Variants in RAD51C observed in about 807,000 individuals in gnomAD.
RAD51C encodes the protein RAD51 paralog C.
In RAD51C, 42 loss-of-function variants were observed where a neutral mutation model predicts 45.0. The ratio of observed to expected loss-of-function variants is 0.93; its 90% CI spans 0.73 to 1.21. The LOEUF (loss-of-function observed/expected upper bound fraction) is 1.21, where lower values mean the gene tolerates loss of function less well. Among genes scored for constraint, RAD51C ranks in the 50% most tolerant of loss-of-function variants. RAD51C has a pLI of 0.00. For missense variants in RAD51C, 474 were observed against 452.2 expected (o/e 1.05, Z -0.44); for synonymous variants, 172 against 159.8 (o/e 1.08, Z -0.58).
chr17:58,734,763 T>G lies in RAD51C; in HGVS notation c.*541T>G, dbSNP rs992560900. 4 of 157,836 alleles carry G rather than the reference T, an allele frequency of 2.5e-5. No individual in the cohort carries two copies. Among genetic ancestry groups the G allele is most frequent in the Admixed American group, 2.5e-4 (4 of 16,114 alleles). The allele number at this position is 157,836 out of a possible 1,614,324, so 9.8% of individuals were successfully genotyped here. On this transcript the variant is annotated 3_prime_UTR_variant, in exon 9 of 9. Coordinates refer to ENST00000337432, the MANE Select transcript of RAD51C (RefSeq NM_058216.3). The stretch of plus-strand genomic sequence containing the variant: ...GCACCTGCCATCGTGCCTGGCTAAT[T>G]TTTTGTATTTTTGTAGAGACAGAGT...
intron 3 of RAD51C, chr17:58,699,936 A>T (rs1026902118): frequency 6.6e-6 from 1 of 150,896 alleles, no homozygotes; most frequent in African/African-American, 2.4e-5. Context: ...TGCGACCTTC[A>T]CCTCCCAGGT....
At chr17:58,696,006 G>A (rs1026664862) in intron 2 of RAD51C, among the ~76,000 whole-genome samples, 12 of 151,786 alleles carry the variant, frequency 7.9e-5, no homozygotes, top group African/African-American at 2.7e-4. Flanking sequence ...GGTGGAGGTT[G>A]CAGTGAGCCG....
At chr17:58,733,134 G>A (rs1207821124) in intron 8 of RAD51C, among the ~76,000 whole-genome samples, 4 of 152,070 alleles carry the variant, frequency 2.6e-5, no homozygotes, top group Non-Finnish European at 5.9e-5. Flanking sequence ...TCCTGCCTCA[G>A]CCTCCCTAGT....
chr17:58,732,468 C>A lies in RAD51C; in HGVS notation c.966-16C>A, dbSNP rs780961985. The A allele has an allele frequency of 6.2e-6, 10 of 1,607,046 alleles. No individual in the cohort carries two copies. Among genetic ancestry groups the A allele is most frequent in the Non-Finnish European group, 7.7e-6 (9 of 1,174,038 alleles). On this transcript the variant is annotated splice_polypyrimidine_tract_variant and intron_variant, in intron 7 of 8. Coordinates refer to ENST00000337432, the MANE Select transcript of RAD51C (RefSeq NM_058216.3). ...GTTCATGTGTTTGTATGTATTTATT[C>A]TTTTTCTTTAAGCAGGTTGGCAACA... is the stretch of plus-strand genomic sequence containing the variant.
chr17:58,734,418 A>G lies in RAD51C; in HGVS notation c.*196A>G. ...AAGCAGTATTCTGCAATTATATTTT[A>G]CCCTGTTTTCATTTTCAGTAACATT... On this transcript the variant is annotated 3_prime_UTR_variant, in exon 9 of 9. Transcript: ENST00000337432. The G allele has an allele frequency of 4.4e-6, 4 of 913,550 alleles. 1 individual carries two copies. The highest frequency in any genetic ancestry group is 3.6e-5 in the South Asian group (2 of 56,308). 56.6% of individuals were successfully genotyped at this position (913,550 alleles called of 1,614,324 possible).
Position 58,734,692 on chromosome 17 carries a change from T to G in RAD51C, c.*470T>G, listed in dbSNP as rs2049582838. 1 of 162,294 alleles carries G rather than the reference T, an allele frequency of 6.2e-6. No homozygotes were observed. Among genetic ancestry groups the G allele is most frequent in the African/African-American group, 2.4e-5 (1 of 40,858 alleles). The allele number at this position is 162,294 out of a possible 1,614,324, so 10.1% of individuals were successfully genotyped here. ...TCACTGCAACCTCCGCCTCCCAGGT[T>G]CAAGCGATTCATCTGCCTCAGCCTC... is the stretch of plus-strand genomic sequence containing the variant. On this transcript the variant is annotated 3_prime_UTR_variant, in exon 9 of 9. Coordinates refer to ENST00000337432, the MANE Select transcript of RAD51C (RefSeq NM_058216.3).
intron 7 of RAD51C, among the ~76,000 whole-genome samples, chr17:58,726,012 A>C (rs1232630234): frequency 1.1e-4 from 16 of 151,594 alleles, no homozygotes; most frequent in Admixed American, 7.9e-4. Context: ...AAAAAAAAAA[A>C]AAAACAAGAA....
At chr17:58,706,929 A>G (rs112091410) in intron 4 of RAD51C, among the ~76,000 whole-genome samples, 2 of 152,280 alleles carry the variant, frequency 1.3e-5, no homozygotes, top group African/African-American at 4.8e-5. Context: ...TATTTTTAGC[A>G]ATATGGATAG....
At chr17:58,702,100 A>G (rs28363308) in intron 3 of RAD51C, among the ~76,000 whole-genome samples, 2,761 of 151,872 alleles carry the variant, frequency 0.018, 42 homozygotes, top group Non-Finnish European at 0.03. Context: ...GGCTCAAGCA[A>G]TCCTCTCACC....
chr17:58,701,231 G>A (rs1408783107), intron 3 of RAD51C, among the ~76,000 whole-genome samples: 1 of 24,322 alleles, frequency 4.1e-5, no homozygotes, highest in Non-Finnish European at 7.6e-5. Context: ...TAACTGGCCG[G>A]GTGTGGTGAC....
intron 4 of RAD51C, among the ~76,000 whole-genome samples, chr17:58,705,478 C>T (rs1243301483): frequency 4.6e-5 from 7 of 151,942 alleles, no homozygotes; most frequent in Admixed American, 4.6e-4. Context: ...GGACTACAGG[C>T]GCATGCCACC....
At chr17:58,695,424 C>A in intron 2 of RAD51C, 4 of 1,147,730 alleles carry the variant, frequency 3.5e-6, no homozygotes, top group Non-Finnish European at 3.4e-6. Context: ...GTACTGCAGT[C>A]ATAAGGTTAA....
At chr17:58,694,612 A>AT in intron 1 of RAD51C, 1 of 355,418 alleles carries the variant, frequency 2.8e-6, no homozygotes, top group Non-Finnish European at 5.5e-6. Flanking sequence ...AGTAGCTGGA[A>AT]TTATAACGCG....
At chr17:58,725,039 T>C (rs1210657925) in intron 7 of RAD51C, among the ~76,000 whole-genome samples, 2 of 152,332 alleles carry the variant, frequency 1.3e-5, no homozygotes, top group East Asian at 3.9e-4. Context: ...ATTACACTTC[T>C]GTATATATCT....
At chr17:58,698,265 C>G (rs1357145485) in intron 3 of RAD51C, among the ~76,000 whole-genome samples, 1 of 149,154 alleles carries the variant, frequency 6.7e-6, no homozygotes. Context: ...TCACTGCAAG[C>G]TCTGCCTCCT....
In RAD51C at chr17:58,733,107, A is replaced by C. The variant is rs117894051; in HGVS notation, c.1026+563A>C. Reference sequence around the variant, plus strand: ...CTTGGCTCACTGCAGCCTCCGCCCTACTGGTTTAAGCAATTCTCCTGCCTC... The same window carrying C: ...CTTGGCTCACTGCAGCCTCCGCCCTCCTGGTTTAAGCAATTCTCCTGCCTC... On this transcript the variant is annotated intron_variant, in intron 8 of 8. Coordinates refer to ENST00000337432, the MANE Select transcript of RAD51C (RefSeq NM_058216.3). Among the ~76,000 whole-genome samples, 434 of 152,010 alleles carry C rather than the reference A, an allele frequency of 2.9e-3. 1 individual carries two copies. The highest frequency in any genetic ancestry group is 5.4e-3 in the Non-Finnish European group (366 of 67,960).
intron 5 of RAD51C, among the ~76,000 whole-genome samples, chr17:58,714,195 G>A (rs935568879): frequency 2.0e-5 from 3 of 152,034 alleles, no homozygotes; most frequent in African/African-American, 7.2e-5. Flanking sequence ...ATGTTGGCCA[G>A]GCTGGTCTCA....
At chr17:58,715,454 CAAAAA>C (rs35442906) in intron 5 of RAD51C, among the ~76,000 whole-genome samples, 1 of 91,220 alleles carries the variant, frequency 1.1e-5, no homozygotes. Flanking sequence ...AACTCTGTCT[CAAAAA>C]AAAAAAAAAA....
intron 7 of RAD51C, among the ~76,000 whole-genome samples, chr17:58,729,800 G>A (rs1311402622): frequency 6.6e-6 from 1 of 151,632 alleles, no homozygotes. Flanking sequence ...TCGGATGCCT[G>A]ACCTCAAGTG....
Sources: gnomAD v4.1 joint callset for allele counts (sites outside exome capture counted in the v4.1 genomes callset) on GRCh38, gnomAD v4.1.1 for gene constraint, MANE v1.5 for transcripts, NCBI Gene and HGNC (gene_info 2026-07-23, HGNC 2026-07-21) for gene names.